Variants in FLT1 observed in about 807,000 individuals in gnomAD.
The protein encoded by FLT1 is vascular endothelial growth factor receptor 1.
FLT1 carries 49 observed loss-of-function variants against 156.3 expected under a neutral mutation model. The observed-to-expected ratio is 0.31, with a 90% CI of 0.25 to 0.40. The LOEUF (loss-of-function observed/expected upper bound fraction) is 0.40. FLT1 is among the 10% of genes least tolerant of loss of function. The probability of loss-of-function intolerance (pLI) is 1.00; values close to 1 mark genes in which losing one functional copy is unlikely to be tolerated. For missense variants in FLT1, 1,322 were observed against 1,637.2 expected (o/e 0.81, Z 3.32); for synonymous variants, 594 against 583.8 (o/e 1.02, Z -0.25).
intron 25 of FLT1, among the ~76,000 whole-genome samples, chr13:28,316,168 G>A (rs896925366): frequency 2.0e-5 from 3 of 152,218 alleles, no homozygotes; most frequent in African/African-American, 7.2e-5. Flanking sequence ...CTCAGGCAGA[G>A]CTCCCCAGCC....
chr13:28,415,961 T>A (rs1315565949), intron 10 of FLT1, among the ~76,000 whole-genome samples: 1 of 152,198 alleles, frequency 6.6e-6, no homozygotes, highest in African/African-American at 2.4e-5. Context: ...AGTGTGTATA[T>A]GATGCCACTT....
At chr13:28,356,301 G>A (rs1026951892) in intron 15 of FLT1, among the ~76,000 whole-genome samples, 2 of 152,154 alleles carry the variant, frequency 1.3e-5, no homozygotes, top group Admixed American at 1.3e-4. Context: ...GGCCCGGCAC[G>A]GCCATTCCTG....
intron 1 of FLT1, among the ~76,000 whole-genome samples, chr13:28,483,825 T>C (rs1253577673): frequency 6.6e-6 from 1 of 152,128 alleles, no homozygotes; most frequent in Non-Finnish European, 1.5e-5. Flanking sequence ...AATATGACAG[T>C]TTTTTTATTC....
At chr13:28,389,515 T>A in intron 13 of FLT1, 1 of 1,418,350 alleles carries the variant, frequency 7.1e-7, no homozygotes, top group Admixed American at 3.0e-5. Flanking sequence ...GTGCACCAAG[T>A]CGGCCCCCCG....
At chr13:28,326,919 A>G (rs1871708273) in intron 20 of FLT1, among the ~76,000 whole-genome samples, 1 of 152,224 alleles carries the variant, frequency 6.6e-6, no homozygotes, top group Admixed American at 6.5e-5. Context: ...GGTTCAGAGT[A>G]TATGTAGGGA....
At chr13:28,371,735 A>G (rs573515589) in intron 14 of FLT1, among the ~76,000 whole-genome samples, 1 of 152,260 alleles carries the variant, frequency 6.6e-6, no homozygotes, top group East Asian at 1.9e-4. Context: ...GAAAGAAGGA[A>G]AAAGAAACCT....
intron 15 of FLT1, among the ~76,000 whole-genome samples, chr13:28,352,439 C>T (rs1372825933): frequency 3.3e-5 from 5 of 152,158 alleles, no homozygotes; most frequent in East Asian, 1.9e-4. Flanking sequence ...CTATGATACC[C>T]AATGCAGTTT....
chr13:28,442,633 T>A (rs1468124390), intron 3 of FLT1, among the ~76,000 whole-genome samples: 2 of 151,906 alleles, frequency 1.3e-5, no homozygotes, highest in African/African-American at 4.8e-5. Flanking sequence ...CAAAACACAT[T>A]ATTTGTGTGA....
At chr13:28,392,418 A>G (rs1593738698) in intron 12 of FLT1, among the ~76,000 whole-genome samples, 4 of 152,382 alleles carry the variant, frequency 2.6e-5, no homozygotes, top group Admixed American at 2.6e-4. Context: ...AACATCAGCC[A>G]TCAACTTTTA....
chr13:28,340,319 A>G (rs146430911), intron 16 of FLT1, among the ~76,000 whole-genome samples: 1 of 152,324 alleles, frequency 6.6e-6, no homozygotes, highest in East Asian at 1.9e-4. Context: ...TAGGATGTCA[A>G]GTGAGTAAGG....
intron 25 of FLT1, among the ~76,000 whole-genome samples, chr13:28,315,659 G>T (rs1871173736): frequency 6.6e-6 from 1 of 152,120 alleles, no homozygotes; most frequent in African/African-American, 2.4e-5. Flanking sequence ...CATTTATTTT[G>T]ATGTAAAAAT....
chr13:28,411,533 C>T (rs1054303371), intron 10 of FLT1, among the ~76,000 whole-genome samples: 35 of 118,480 alleles, frequency 3.0e-4, no homozygotes, highest in African/African-American at 1.0e-3. Flanking sequence ...TCAAGAAGAG[C>T]GAAACTCCAT....
intron 3 of FLT1, among the ~76,000 whole-genome samples, chr13:28,447,576 G>A (rs1878692441): frequency 2.0e-5 from 3 of 151,838 alleles, no homozygotes; most frequent in South Asian, 2.1e-4. Flanking sequence ...AAAAGCACAA[G>A]CAACACAAGA....
At chr13:28,320,729 G>C (rs537491036) in intron 23 of FLT1, among the ~76,000 whole-genome samples, 5 of 152,234 alleles carry the variant, frequency 3.3e-5, no homozygotes, top group Admixed American at 1.3e-4. Flanking sequence ...AGAAACTCTG[G>C]GGGGTGGAAG....
intron 14 of FLT1, among the ~76,000 whole-genome samples, chr13:28,359,911 G>A (rs1460406887): frequency 6.6e-6 from 1 of 152,164 alleles, no homozygotes; most frequent in Non-Finnish European, 1.5e-5. Flanking sequence ...AAGAGTTCAA[G>A]ACCAGCCTCG....
Position 28,317,504 on chromosome 13 carries a change from G to A in FLT1, c.3380C>T (p.Pro1127Leu), listed in dbSNP as rs371347149. The A allele has an allele frequency of 2.0e-5, 32 of 1,608,304 alleles. No individual in the cohort carries two copies. In the African/African-American group the frequency reaches 4.0e-4, roughly 20 times the overall value. Reference sequence around the variant, plus strand: ...GAGGGCACCAAGGGCTCACATTTCAGGAGTAGAGTACTCAGGAGCTCTCAT... The same window carrying A: ...GAGGGCACCAAGGGCTCACATTTCAAGAGTAGAGTACTCAGGAGCTCTCAT... ...MRMRAPEYST[P>L]EIYQIMLDCW... Residue 1127 changes from proline (P) to leucine (L), a missense_variant, in exon 25 of 30, where the codon CCT (proline) becomes CTT (leucine). This residue lies in a region of FLT1 where 329 missense variants were observed against 366.2 expected (regional missense o/e 0.90). Transcript: ENST00000282397.
chr13:28,408,924 G>A (rs887094342), intron 10 of FLT1, among the ~76,000 whole-genome samples: 1 of 152,158 alleles, frequency 6.6e-6, no homozygotes, highest in African/African-American at 2.4e-5. Context: ...GGCTAAGAGT[G>A]TACTCCATGT....
At chr13:28,376,795 T>C (rs1214577651) in intron 14 of FLT1, among the ~76,000 whole-genome samples, 2 of 152,294 alleles carry the variant, frequency 1.3e-5, no homozygotes, top group Non-Finnish European at 1.5e-5. Flanking sequence ...AGGAGACTTT[T>C]TGATTATTTT....
chr13:28,468,029 G>A (rs981206962), intron 1 of FLT1, among the ~76,000 whole-genome samples: 7 of 152,282 alleles, frequency 4.6e-5, no homozygotes, highest in Admixed American at 6.5e-5. Context: ...ACTTTTTCCA[G>A]TGTGGGTCAT....
Sources: gnomAD v4.1 joint callset for allele counts (sites outside exome capture counted in the v4.1 genomes callset) on GRCh38, gnomAD v4.1.1 for gene constraint, gnomAD v4.1.1 regional missense constraint, MANE v1.5 for transcripts, NCBI Gene and HGNC (gene_info 2026-07-23, HGNC 2026-07-21) for gene names.